CACNA2D3: variants seen among roughly 807,000 people sequenced by gnomAD.
The protein encoded by CACNA2D3 is voltage-dependent calcium channel subunit alpha-2/delta-3.
In CACNA2D3, 60 loss-of-function variants were observed where a neutral mutation model predicts 160.6. That is an observed-to-expected ratio of 0.37 (90% CI 0.30 to 0.46). CACNA2D3 has a LOEUF of 0.46. CACNA2D3 is among the 20% of genes least tolerant of loss of function. The pLI is 1.00. For synonymous variants in CACNA2D3, 558 were observed against 492.9 expected, an observed-to-expected ratio of 1.13 and a Z score of -1.75; for missense variants, 1,205 against 1,365.0, an observed-to-expected ratio of 0.88 and a Z score of 1.85.
intron 4 of CACNA2D3, among the ~76,000 whole-genome samples, chr3:54,427,672 G>C (rs75708751): frequency 6.6e-6 from 1 of 152,172 alleles, no homozygotes; most frequent in Admixed American, 6.5e-5. Context: ...AGTGCGGAGC[G>C]TCTAGTCTAG....
intron 3 of CACNA2D3, among the ~76,000 whole-genome samples, chr3:54,323,753 A>G (rs1704062264): frequency 1.3e-5 from 2 of 152,134 alleles, no homozygotes; most frequent in Non-Finnish European, 2.9e-5. Context: ...GGCGTGAGCC[A>G]CCGTGCTGGG....
intron 3 of CACNA2D3, among the ~76,000 whole-genome samples, chr3:54,357,989 G>A (rs1015149619): frequency 6.6e-6 from 1 of 152,150 alleles, no homozygotes; most frequent in African/African-American, 2.4e-5. Flanking sequence ...CTGTAATGTT[G>A]GACACATGTC....
intron 29 of CACNA2D3, among the ~76,000 whole-genome samples, chr3:54,972,899 C>A (rs1055471728): frequency 6.6e-6 from 1 of 152,116 alleles, no homozygotes; most frequent in Non-Finnish European, 1.5e-5. Flanking sequence ...ACATCTTTAC[C>A]GAGCCCTTCT....
At chr3:54,621,721 T>G (rs532195428) in intron 9 of CACNA2D3, among the ~76,000 whole-genome samples, 1 of 152,318 alleles carries the variant, frequency 6.6e-6, no homozygotes, top group Non-Finnish European at 1.5e-5. Flanking sequence ...CTGGGGTCAG[T>G]GAAGTCAGCT....
chr3:54,742,996 A>T (rs1701684519), intron 11 of CACNA2D3, among the ~76,000 whole-genome samples: 1 of 152,248 alleles, frequency 6.6e-6, no homozygotes, highest in Admixed American at 6.5e-5. Flanking sequence ...CAACTGATTG[A>T]TAACAGATCA....
chr3:54,673,269 G>A (rs888247324), intron 11 of CACNA2D3, among the ~76,000 whole-genome samples: 3 of 152,196 alleles, frequency 2.0e-5, no homozygotes, highest in Non-Finnish European at 2.9e-5. Context: ...GGTGTTTGGG[G>A]TGGGTGTAGA....
intron 2 of CACNA2D3, among the ~76,000 whole-genome samples, chr3:54,198,686 T>C (rs1701123810): frequency 6.6e-6 from 1 of 152,266 alleles, no homozygotes; most frequent in South Asian, 2.1e-4. Flanking sequence ...AGGTTTCATA[T>C]CTGTGGATTC....
At chr3:54,214,057 GT>G (rs1234483674) in intron 2 of CACNA2D3, among the ~76,000 whole-genome samples, 20 of 152,296 alleles carry the variant, frequency 1.3e-4, no homozygotes, top group African/African-American at 4.8e-4. Flanking sequence ...AGATATCTTA[GT>G]TGCTGGAGGT....
chr3:54,290,375 G>A (rs1375772016), intron 2 of CACNA2D3, among the ~76,000 whole-genome samples: 2 of 152,202 alleles, frequency 1.3e-5, no homozygotes, highest in Non-Finnish European at 2.9e-5. Context: ...TCTCACACCG[G>A]TTAGAATGGC....
At chr3:54,168,672 C>A (rs1358615217) in intron 2 of CACNA2D3, among the ~76,000 whole-genome samples, 1 of 152,190 alleles carries the variant, frequency 6.6e-6, no homozygotes, top group African/African-American at 2.4e-5. Context: ...GACCAGGCCA[C>A]TCCTTTAGGG....
intron 5 of CACNA2D3, among the ~76,000 whole-genome samples, chr3:54,539,152 C>T (rs976012130): frequency 6.6e-6 from 1 of 152,202 alleles, no homozygotes; most frequent in Non-Finnish European, 1.5e-5. Context: ...GTTCCACTAG[C>T]TCCTAGTAGG....
At chr3:54,455,608 G>A (rs112082601) in intron 4 of CACNA2D3, among the ~76,000 whole-genome samples, 4,769 of 152,010 alleles carry the variant, frequency 0.031, 127 homozygotes, top group South Asian at 0.1. Flanking sequence ...TTTTGCTTCT[G>A]TTGTCTGTGC....
chr3:54,919,928 C>A (rs1559629554), intron 27 of CACNA2D3, among the ~76,000 whole-genome samples: 1 of 152,204 alleles, frequency 6.6e-6, no homozygotes. Flanking sequence ...ACATCCTCCT[C>A]TCAGGAGCGT....
intron 35 of CACNA2D3, among the ~76,000 whole-genome samples, chr3:55,043,124 G>T (rs906924083): frequency 6.6e-6 from 1 of 152,280 alleles, no homozygotes; most frequent in Non-Finnish European, 1.5e-5. Context: ...ATGAACCTGG[G>T]AGTGGGGTTG....
intron 2 of CACNA2D3, among the ~76,000 whole-genome samples, chr3:54,303,914 G>GTCT: frequency 3.3e-5 from 5 of 150,404 alleles, no homozygotes; most frequent in Middle Eastern, 6.9e-3. Context: ...GAGTCCAGGG[G>GTCT]CCACTCTTTG....
chr3:55,021,633 A>ATATATATATATATGTG (rs1559465901), intron 35 of CACNA2D3, among the ~76,000 whole-genome samples: 13 of 132,442 alleles, frequency 9.8e-5, no homozygotes, highest in Non-Finnish European at 1.8e-4. Flanking sequence ...GTGTATATAT[A>ATATATATATATATGTG]TATATATATA....
intron 11 of CACNA2D3, among the ~76,000 whole-genome samples, chr3:54,692,302 A>G (rs1031120241): frequency 1.3e-5 from 2 of 152,168 alleles, no homozygotes; most frequent in African/African-American, 4.8e-5. Flanking sequence ...CTTTTGATCC[A>G]TCAGACTTGT....
chr3:54,802,128 CTTT>C (rs903468383), intron 13 of CACNA2D3, among the ~76,000 whole-genome samples: 4 of 152,132 alleles, frequency 2.6e-5, no homozygotes, highest in African/African-American at 9.7e-5. Context: ...TCCTCCTCCT[CTTT>C]CAACATCACC....
intron 11 of CACNA2D3, among the ~76,000 whole-genome samples, chr3:54,731,541 T>A (rs1298368261): frequency 1.3e-5 from 2 of 152,294 alleles, no homozygotes; most frequent in East Asian, 3.9e-4. Context: ...AAGGTCACAC[T>A]GTGTGCTGAT....
Sources: gnomAD v4.1 joint callset for allele counts (sites outside exome capture counted in the v4.1 genomes callset) on GRCh38, gnomAD v4.1.1 for gene constraint, MANE v1.5 for transcripts, NCBI Gene and HGNC (gene_info 2026-07-23, HGNC 2026-07-21) for gene names.